Variants in MRO observed in about 807,000 individuals in gnomAD.
MRO encodes the protein maestro.
MRO carries 28 observed loss-of-function variants against 31.0 expected under a neutral mutation model. That is an observed-to-expected ratio of 0.90 (90% CI 0.67 to 1.24). The LOEUF (loss-of-function observed/expected upper bound fraction) is 1.24. Among genes scored for constraint, MRO ranks in the 50% most tolerant of loss-of-function variants. The probability of loss-of-function intolerance (pLI) is 0.00; values close to 1 mark genes in which losing one functional copy is unlikely to be tolerated. For synonymous variants in MRO, 108 were observed against 108.4 expected, an observed-to-expected ratio of 1.00 and a Z score of 0.02; for missense variants, 332 against 289.2, an observed-to-expected ratio of 1.15 and a Z score of -1.07.
chr18:50,806,591 C>T (rs1197082287), intron 4 of MRO, 113 bp downstream of exon 4: 17 of 1,307,788 alleles, frequency 1.3e-5, no homozygotes, highest in Middle Eastern at 5.1e-4. Context: ...TGGTTTGTTC[C>T]GGGGTGATAG....
At chr18:50,817,699 T>C (rs1915046720) in intron 2 of MRO, among the ~76,000 whole-genome samples, 1 of 149,536 alleles carries the variant, frequency 6.7e-6, no homozygotes, top group Non-Finnish European at 1.5e-5. Flanking sequence ...GCAGAAACCA[T>C]GGAAGTCAGG....
At chr18:50,801,745 A>G (rs1419126564) in intron 5 of MRO, among the ~76,000 whole-genome samples, 6 of 152,244 alleles carry the variant, frequency 3.9e-5, no homozygotes, top group East Asian at 1.9e-4. Flanking sequence ...CTTCTCCAGC[A>G]GACGAGAGGA....
At chr18:50,819,771 G>A (rs1915224343) in intron 1 of MRO, 69 bp from the exon 2 acceptor site, 13 of 1,547,316 alleles carry the variant, frequency 8.4e-6, no homozygotes, top group Non-Finnish European at 1.0e-5. Context: ...GGCACAGAGT[G>A]TTGGAAAGTG....
rs1915211842 is a variant in MRO, at chr18:50,819,633, T to A, written c.-57A>T. 1 of 1,551,472 alleles carries A rather than the reference T, an allele frequency of 6.4e-7. No homozygotes were observed. Among genetic ancestry groups the A allele is most frequent in the South Asian group, 1.2e-5 (1 of 84,044 alleles). On this transcript the variant is annotated 5_prime_UTR_variant, in exon 2 of 8. Coordinates refer to ENST00000398439, the MANE Select transcript of MRO (RefSeq NM_031939.6). ...TGATGAACCGGAGCCCGTTCCTGAC[T>A]CGGGAGGGCTGCTTTCCCGGGTAGT...
At position 50,806,730 on chromosome 18, in the gene MRO, T is replaced by C. The variant is rs780986833; in HGVS notation, c.220A>G (p.Thr74Ala). ...KRHMAMRNLGTMAYEAPDKVR... is the reference protein window; with the variant it reads ...KRHMAMRNLGAMAYEAPDKVR... ...TTGTCAGGGGCTTCATAGGCCATGG[T>C]TCCCAAGTTTCTCATTGCCATGTGA... The change falls in exon 4 of 8, where the codon ACC becomes GCC. Residue 74 changes from threonine to alanine, a missense_variant. Thr to Ala is a moderately conservative substitution (Grantham distance 58). Transcript: ENST00000398439. 1.2e-6 allele frequency: 2 copies of C among 1,614,172 alleles called. No individual in the cohort carries two copies. Among genetic ancestry groups the C allele is most frequent in the Admixed American group, 1.7e-5 (1 of 60,024 alleles).
chr18:50,806,789 G>C lies in MRO; in HGVS notation c.161C>G (p.Ala54Gly), dbSNP rs1568129599. Reference protein sequence around the residue: ...EPLKNVFFILAERARDPSAKK... With the variant: ...EPLKNVFFILGERARDPSAKK... ...AGCACTGGGGTCCCGAGCTCTTTCT[G>C]CCAAGATGAAAAACACATTCTTCAG... The change falls in exon 4 of 8, where the codon GCA becomes GGA. Residue 54 changes from alanine to glycine, a missense_variant. Transcript: ENST00000398439. 1 of 1,614,048 alleles carries C rather than the reference G, an allele frequency of 6.2e-7. No individual in the cohort carries two copies. The highest frequency in any genetic ancestry group is 1.1e-5 in the South Asian group (1 of 91,072).
chr18:50,805,288 A>G lies in MRO; in HGVS notation c.295T>C (p.Tyr99His). The G allele has an allele frequency of 6.2e-7, 1 of 1,614,172 alleles. No individual in the cohort carries two copies. Among genetic ancestry groups the G allele is most frequent in the Non-Finnish European group, 8.5e-7 (1 of 1,180,020 alleles). Residue 99 changes from tyrosine to histidine, a missense_variant, in exon 5 of 8, where the codon TAT (tyrosine) becomes CAT (histidine). Coordinates refer to ENST00000398439, the MANE Select transcript of MRO (RefSeq NM_031939.6). ...ATGACTTCCAAATTCACAGGGTCAT[A>G]CAGTCCATACACCAGCAGGTCGAGG... ...IVLDLLVYGL[Y>H]DPVNLEVIHE...
At chr18:50,816,938 C>G (rs1464790568) in intron 2 of MRO, among the ~76,000 whole-genome samples, 1 of 152,148 alleles carries the variant, frequency 6.6e-6, no homozygotes, top group African/African-American at 2.4e-5. Flanking sequence ...ACCTGCTACC[C>G]TGTTCTTTCT....
chr18:50,810,465 C>T (rs1313603183), intron 2 of MRO, among the ~76,000 whole-genome samples: 1 of 152,176 alleles, frequency 6.6e-6, no homozygotes, highest in Non-Finnish European at 1.5e-5. Flanking sequence ...TATATGCTTG[C>T]ATATGCATAG....
intron 3 of MRO, among the ~76,000 whole-genome samples, 183 bp from the exon 4 acceptor site, chr18:50,807,033 T>C (rs1173467127): frequency 6.6e-6 from 1 of 152,022 alleles, no homozygotes; most frequent in Non-Finnish European, 1.5e-5. Context: ...AACGAAGAAA[T>C]TGATGGAGAA....
Position 50,802,916 on chromosome 18 carries a change from A to T in MRO, c.430-1412T>A, listed in dbSNP as rs200580909. ...TGAGTGTTTGTGTATGTGTGTGTGT[A>T]GTGTGTGTGTGTGTGTGTGTGTGTG... On this transcript the variant is annotated intron_variant, in intron 5 of 7. Coordinates refer to ENST00000398439, the MANE Select transcript of MRO (RefSeq NM_031939.6). Among the ~76,000 whole-genome samples, 246 of 144,716 alleles carry T rather than the reference A, an allele frequency of 1.7e-3. 2 individuals are homozygous for T. Among genetic ancestry groups the T allele is most frequent in the African/African-American group, 6.2e-3 (232 of 37,382 alleles). 94.9% of individuals were successfully genotyped at this position (144,716 alleles called of 152,430 possible). A position where few individuals can be genotyped will look rare whatever the true frequency, so the allele number is the denominator to read the frequency against.
chr18:50,802,024 T>C (rs1193056487), intron 5 of MRO, among the ~76,000 whole-genome samples: 1 of 152,250 alleles, frequency 6.6e-6, no homozygotes, highest in African/African-American at 2.4e-5. Context: ...CTTTTTTACA[T>C]AATGGAAGCA....
chr18:50,819,986 T>C lies in MRO; in HGVS notation c.-216A>G, dbSNP rs920001872. ...TCCCTCATGCCAGCCTGGTCGACACTTTCTGCAGAAATTCTGCAGATGGCA... is the reference window on the plus strand; with the variant it reads ...TCCCTCATGCCAGCCTGGTCGACACCTTCTGCAGAAATTCTGCAGATGGCA... On this transcript the variant is annotated 5_prime_UTR_variant, in exon 1 of 8. Transcript: ENST00000398439. The C allele has an allele frequency of 9.7e-6, 15 of 1,549,842 alleles. No homozygotes were observed. In the African/African-American group the frequency reaches 2.1e-4, roughly 21 times the overall value.
At chr18:50,819,738 G>A in intron 1 of MRO, 36 bp from the exon 2 acceptor site, 1 of 1,547,692 alleles carries the variant, frequency 6.5e-7, no homozygotes, top group Non-Finnish European at 8.7e-7. Flanking sequence ...AGGTGACGCA[G>A]GGTCTGTCCA....
chr18:50,802,898 TTGTGTATGTGTGTGTGTAGTGTGTGTGTG>T (rs1913501394), intron 5 of MRO, among the ~76,000 whole-genome samples: 1 of 134,724 alleles, frequency 7.4e-6, no homozygotes. Flanking sequence ...TAGTGAGTGT[TTGTGTATGTGTGTGTGTAGTGTGTGTGTG>T]TGTGTGTGTG....
chr18:50,801,291 C>A, intron 6 of MRO, 58 bp downstream of exon 6: 2 of 1,461,716 alleles, frequency 1.4e-6, no homozygotes, highest in Admixed American at 2.3e-5. Flanking sequence ...CAACTCGCAA[C>A]TCCCTTTATG....
upstream of MRO, among the ~76,000 whole-genome samples, chr18:50,821,094 G>A (rs1915284227): frequency 6.6e-6 from 1 of 152,226 alleles, no homozygotes; most frequent in African/African-American, 2.4e-5. Context: ...CAAAAGGAAA[G>A]CAATAAATAG....
upstream of MRO, among the ~76,000 whole-genome samples, chr18:50,820,982 T>A (rs1345404253): frequency 6.6e-6 from 1 of 152,224 alleles, no homozygotes; most frequent in African/African-American, 2.4e-5. Context: ...AGGGAACCAC[T>A]GTGACATTTG....
intron 2 of MRO, among the ~76,000 whole-genome samples, chr18:50,817,897 A>G (rs1333277645): frequency 6.6e-6 from 1 of 152,158 alleles, no homozygotes; most frequent in Non-Finnish European, 1.5e-5. Context: ...TAAAAGTTTC[A>G]TTAAAAAATA....
Sources: allele counts gnomAD v4.1 joint callset (sites outside exome capture counted in the v4.1 genomes callset), GRCh38; gene constraint gnomAD v4.1.1; transcripts MANE v1.5; gene names NCBI Gene and HGNC (gene_info 2026-07-23, HGNC 2026-07-21).